PRKAG2: variants seen among roughly 807,000 people sequenced by gnomAD.
PRKAG2 encodes the protein protein kinase AMP-activated non-catalytic subunit gamma 2, also known as 5'-AMP-activated protein kinase subunit gamma-2.
In PRKAG2, 26 loss-of-function variants were observed where a neutral mutation model predicts 69.6. The ratio of observed to expected loss-of-function variants is 0.37; its 90% CI spans 0.27 to 0.52. The LOEUF is 0.52. Ranked by LOEUF, PRKAG2 falls within the 20% of genes least tolerant of loss-of-function variation. PRKAG2 has a pLI of 0.90. For synonymous variants in PRKAG2, 293 were observed against 285.0 expected (o/e 1.03, Z -0.28); for missense variants, 557 against 740.0 (o/e 0.75, Z 2.87).
chr7:151,759,630 G>A (rs150851259), intron 3 of PRKAG2, among the ~76,000 whole-genome samples: 1 of 152,314 alleles, frequency 6.6e-6, no homozygotes, highest in African/African-American at 2.4e-5. Context: ...GAACCGCACT[G>A]GAAAAAACCC....
chr7:151,636,144 C>A (rs1825707066), intron 4 of PRKAG2, among the ~76,000 whole-genome samples: 1 of 152,012 alleles, frequency 6.6e-6, no homozygotes. Context: ...AGCCACCGCG[C>A]CCAGCCAAAA....
chr7:151,568,923 T>A, intron 10 of PRKAG2, 81 bp from the exon 11 acceptor site: 1 of 1,482,670 alleles, frequency 6.7e-7, no homozygotes, highest in Non-Finnish European at 9.4e-7. Flanking sequence ...CTTAAAGCAC[T>A]TCCAGTGTTT....
At chr7:151,735,951 C>T in intron 3 of PRKAG2, 1 of 1,536,384 alleles carries the variant, frequency 6.5e-7, no homozygotes, top group Admixed American at 2.0e-5. Flanking sequence ...CGATTTTGGT[C>T]CTTGTGTTTC....
At chr7:151,634,580 T>A (rs1563313006) in intron 4 of PRKAG2, among the ~76,000 whole-genome samples, 1 of 152,194 alleles carries the variant, frequency 6.6e-6, no homozygotes. Flanking sequence ...ACACTGCCTA[T>A]AGGGTTAGCC....
At chr7:151,701,562 G>A (rs1362180139) in intron 3 of PRKAG2, among the ~76,000 whole-genome samples, 2 of 152,166 alleles carry the variant, frequency 1.3e-5, no homozygotes, top group Non-Finnish European at 2.9e-5. Flanking sequence ...AAGGATTGCC[G>A]GCCGGGCGTG....
intron 4 of PRKAG2, among the ~76,000 whole-genome samples, chr7:151,643,989 C>T (rs570559767): frequency 1.1e-4 from 16 of 152,240 alleles, no homozygotes; most frequent in East Asian, 3.9e-4. Flanking sequence ...GAATGGAAAA[C>T]GAAACATTGT....
chr7:151,715,322 CAAAAAAAAA>C (rs34971340), intron 3 of PRKAG2, among the ~76,000 whole-genome samples: 2 of 62,458 alleles, frequency 3.2e-5, no homozygotes, highest in Non-Finnish European at 5.7e-5. Context: ...GGCCTAAAAG[CAAAAAAAAA>C]AAAAAAAAAA....
chr7:151,855,093 A>C (rs1456490509), intron 1 of PRKAG2, among the ~76,000 whole-genome samples: 1 of 32,636 alleles, frequency 3.1e-5, no homozygotes, highest in African/African-American at 2.0e-4. Context: ...CACACACACC[A>C]TCCTCCACAC....
At chr7:151,717,950 G>A (rs1796427165) in intron 3 of PRKAG2, among the ~76,000 whole-genome samples, 2 of 152,166 alleles carry the variant, frequency 1.3e-5, no homozygotes, top group Admixed American at 6.5e-5. Flanking sequence ...TTCTGCCCAC[G>A]CAGCATCTTT....
At chr7:151,752,499 T>C (rs1327599391) in intron 3 of PRKAG2, among the ~76,000 whole-genome samples, 1 of 152,300 alleles carries the variant, frequency 6.6e-6, no homozygotes, top group Admixed American at 6.5e-5. Flanking sequence ...AAATAATATG[T>C]ACAACAGACC....
At position 151,807,310 on chromosome 7, in the gene PRKAG2, C is replaced by A; in HGVS notation, c.115-20769G>T. 2.4e-6 allele frequency: 1 copy of A among 420,672 alleles called. No individual in the cohort carries two copies. Among genetic ancestry groups the A allele is most frequent in the Admixed American group, 2.5e-5 (1 of 40,090 alleles). The allele number at this position is 420,672 out of a possible 1,614,324, so 26.1% of individuals were successfully genotyped here. ...TAGGGGAAGAAAAACAAGCAATCTA[C>A]AGAACGTGGGAAAATGCCTATATTA... is the stretch of plus-strand genomic sequence containing the variant. On this transcript the variant is annotated intron_variant, in intron 1 of 15. Transcript: ENST00000287878. This position sits in a 1 kb window ranked among gnomAD's most constrained non-coding sequence, Gnocchi z 4.4.
At chr7:151,631,983 AT>A in intron 5 of PRKAG2, 85 bp downstream of exon 5, 1 of 1,112,552 alleles carries the variant, frequency 9.0e-7, no homozygotes, top group Non-Finnish European at 1.1e-6. Context: ...AGCGCCGGAG[AT>A]GGGGCGCGGG....
At chr7:151,568,686 A>C (rs142192120) in intron 11 of PRKAG2, 30 bp downstream of exon 11, 726 of 1,609,164 alleles carry the variant, frequency 4.5e-4, no homozygotes, top group Non-Finnish European at 6.0e-4. Flanking sequence ...AAATGCAATT[A>C]TGTCTTTAGA....
In PRKAG2 at chr7:151,620,091, C is replaced by T. The variant is rs140325559; in HGVS notation, c.754+11978G>A. ...GAAAACCTAAACATTTCCAGTTCCA[C>T]GCATTTGGGAGACTCAACCTGCACC... On this transcript the variant is annotated intron_variant, in intron 5 of 15. Transcript: ENST00000287878. 1.7e-3 allele frequency among the ~76,000 whole-genome samples: 253 copies of T among 152,128 alleles called. 1 individual carries two copies. Among genetic ancestry groups the T allele is most frequent in the African/African-American group, 5.7e-3 (237 of 41,526 alleles).
At chr7:151,865,459 G>A (rs745457008) in intron 1 of PRKAG2, among the ~76,000 whole-genome samples, 7 of 152,230 alleles carry the variant, frequency 4.6e-5, no homozygotes, top group Admixed American at 6.5e-5. Context: ...AGCAGCAGAC[G>A]TGAACTGACA....
At chr7:151,730,218 G>A (rs779937997) in intron 3 of PRKAG2, among the ~76,000 whole-genome samples, 59 of 152,252 alleles carry the variant, frequency 3.9e-4, no homozygotes, top group Non-Finnish European at 7.3e-4. Context: ...GTGTGGCCCC[G>A]AGGGTGCATG....
At chr7:151,759,306 C>G (rs1224517676) in intron 3 of PRKAG2, among the ~76,000 whole-genome samples, 1 of 152,208 alleles carries the variant, frequency 6.6e-6, no homozygotes, top group Admixed American at 6.5e-5. Context: ...GAGGCTATTG[C>G]TGACTTGCCC....
chr7:151,649,992 C>A (rs114581731), intron 4 of PRKAG2, among the ~76,000 whole-genome samples: 1,889 of 152,306 alleles, frequency 0.012, 37 homozygotes, highest in African/African-American at 0.042. Flanking sequence ...CCCCGACACA[C>A]ACCCCTGTAT....
chr7:151,802,586 G>A (rs1333272354), intron 1 of PRKAG2, among the ~76,000 whole-genome samples: 2 of 152,160 alleles, frequency 1.3e-5, no homozygotes, highest in Non-Finnish European at 2.9e-5. Flanking sequence ...TGGCTTAAAG[G>A]GCAGAATCAA....
Sources: allele counts gnomAD v4.1 joint callset (sites outside exome capture counted in the v4.1 genomes callset), GRCh38; gene constraint gnomAD v4.1.1; non-coding constraint Gnocchi (gnomAD v3.1); transcripts MANE v1.5; gene names NCBI Gene and HGNC (gene_info 2026-07-23, HGNC 2026-07-21).